Variants in MTAP observed in about 807,000 individuals in gnomAD.
MTAP encodes methylthioadenosine phosphorylase, also known as S-methyl-5'-thioadenosine phosphorylase.
MTAP carries 33 observed loss-of-function variants against 33.6 expected under a neutral mutation model. The observed-to-expected ratio is 0.98, with a 90% confidence interval of 0.74 to 1.31. MTAP has a LOEUF of 1.31. MTAP is among the 40% of genes most tolerant of loss of function. The probability of loss-of-function intolerance (pLI) is 0.00; values close to 1 mark genes in which losing one functional copy is unlikely to be tolerated. For missense variants in MTAP, 367 were observed against 360.0 expected (o/e 1.02, Z -0.16); for synonymous variants, 148 against 125.7 (o/e 1.18, Z -1.19).
chr9:21,913,185 G>A (rs1395928758), intron 1 of MTAP, among the ~76,000 whole-genome samples: 5 of 152,248 alleles, frequency 3.3e-5, no homozygotes, highest in South Asian at 4.1e-4. Context: ...AATCAATATC[G>A]TGAAAATGGC....
chr9:21,842,840 A>G (rs1359520157), intron 5 of MTAP, among the ~76,000 whole-genome samples: 2 of 152,196 alleles, frequency 1.3e-5, no homozygotes, highest in African/African-American at 2.4e-5. Flanking sequence ...CTATAAAACA[A>G]TAATACAATG....
chr9:21,926,045 G>A (rs1047826658), intron 1 of MTAP, among the ~76,000 whole-genome samples: 1 of 152,156 alleles, frequency 6.6e-6, no homozygotes, highest in Admixed American at 6.5e-5. Context: ...TAGACTAGGG[G>A]CTTAGTTAAC....
rs762504714 is a variant in MTAP, at chr9:21,802,724, C to G, written c.-25C>G. ...TCCCTTAGTCCCGAGCGCTCGCCCA[C>G]TGCAGATTCCTTTCCCGTGCAGACA... On this transcript the variant is annotated 5_prime_UTR_variant, in exon 1 of 8. Transcript: ENST00000644715. 1.2e-5 allele frequency: 19 copies of G among 1,612,270 alleles called. No homozygotes were observed. The highest frequency in any genetic ancestry group is 3.3e-5 in the South Asian group (3 of 90,798).
rs543806747 is a variant in MTAP, at chr9:21,884,733, C to A, written c.147+29863C>A. Among the ~76,000 whole-genome samples the A allele has an allele frequency of 2.0e-5, 3 of 152,230 alleles. No individual in the cohort carries two copies. The South Asian group carries it at 6.2e-4, about 32-fold the overall frequency. On this transcript the variant is annotated intron_variant, in intron 1 of 1. Coordinates refer to the MTAP transcript ENST00000577563. ...CTCCACTTCCATGACCTCATCTAAA[C>A]CTTGTGACCTCCCAAAGTTCCCACC...
chr9:21,896,499 TAAAG>T (rs1224763783), intron 1 of MTAP, among the ~76,000 whole-genome samples: 3 of 151,364 alleles, frequency 2.0e-5, no homozygotes, highest in Non-Finnish European at 4.4e-5. Flanking sequence ...GCAAGACTAA[TAAAG>T]AAGAAAAGAG....
In MTAP at chr9:21,864,252, C is replaced by T. The variant is rs150727017; in HGVS notation, c.*2238C>T. ...TTTTCTTTGTTCTCAATCATTCACT[C>T]CTTATGCAAAGCCAATATAATTTTC... On this transcript the variant is annotated 3_prime_UTR_variant, in exon 8 of 8. Coordinates refer to ENST00000644715, the MANE Select transcript of MTAP (RefSeq NM_002451.4). The T allele has an allele frequency of 1.1e-3, 1,091 of 985,398 alleles. 1 individual carries two copies. The highest frequency in any genetic ancestry group is 1.2e-3 in the Non-Finnish European group (1,025 of 829,918). The allele number at this position is 985,398 out of a possible 1,614,324, so 61.0% of individuals were successfully genotyped here.
At chr9:21,892,193 T>G (rs1818211936) in intron 1 of MTAP, 1 of 152,100 alleles carries the variant, frequency 6.6e-6, no homozygotes, top group African/African-American at 2.4e-5. Flanking sequence ...ACTGTTTACA[T>G]TATAAAGCAA....
intron 1 of MTAP, among the ~76,000 whole-genome samples, chr9:21,889,604 C>G (rs923027424): frequency 1.3e-5 from 2 of 152,108 alleles, no homozygotes; most frequent in East Asian, 3.9e-4. Flanking sequence ...GTCCTATCCC[C>G]CCACTTCCCC....
chr9:21,814,468 C>G (rs895319244), intron 1 of MTAP, among the ~76,000 whole-genome samples: 3 of 152,252 alleles, frequency 2.0e-5, no homozygotes, highest in Middle Eastern at 3.4e-3. Context: ...ATAAAGTTAG[C>G]CTGGCACTGT....
At chr9:21,886,046 C>T (rs1055685341) in intron 1 of MTAP, among the ~76,000 whole-genome samples, 1 of 151,766 alleles carries the variant, frequency 6.6e-6, no homozygotes, top group Admixed American at 6.6e-5. Flanking sequence ...ACACTGTTTT[C>T]CACAGTGGTT....
chr9:21,810,153 A>T (rs1824309438), intron 1 of MTAP, among the ~76,000 whole-genome samples: 1 of 152,182 alleles, frequency 6.6e-6, no homozygotes, highest in Non-Finnish European at 1.5e-5. Context: ...ATCTCCTCAC[A>T]GCGCTGGAGG....
rs1818800793 is a variant in MTAP, at chr9:21,922,364, C to T, written c.148-8644C>T. Among the ~76,000 whole-genome samples, 1 of 152,072 alleles carries T rather than the reference C, an allele frequency of 6.6e-6. No homozygotes were observed. The highest frequency in any genetic ancestry group is 2.4e-5 in the African/African-American group (1 of 41,416). ...CATGCCAACATATAAAACCCCAAGT[C>T]AAAGGTCAAACAGGGCACTTGGATT... On this transcript the variant is annotated intron_variant, in intron 1 of 1. Transcript: ENST00000577563. The surrounding 1 kb of genome is among the most constrained non-coding windows in gnomAD (Gnocchi z 4.8).
chr9:21,830,332 A>G (rs1416044403), intron 4 of MTAP, among the ~76,000 whole-genome samples: 1 of 152,184 alleles, frequency 6.6e-6, no homozygotes, highest in African/African-American at 2.4e-5. Flanking sequence ...GAAAATCAGA[A>G]TCTATACCAA....
At chr9:21,884,702 TG>T (rs1338463405) in intron 1 of MTAP, among the ~76,000 whole-genome samples, 3 of 152,158 alleles carry the variant, frequency 2.0e-5, no homozygotes, top group Admixed American at 6.6e-5. Flanking sequence ...AATCCCATCA[TG>T]GGGGCTCCAC....
chr9:21,878,680 T>G (rs1449410173), intron 1 of MTAP, among the ~76,000 whole-genome samples: 1 of 152,068 alleles, frequency 6.6e-6, no homozygotes, highest in East Asian at 1.9e-4. Context: ...GCTAAATTTT[T>G]AATGTGGGTG....
intron 1 of MTAP, among the ~76,000 whole-genome samples, chr9:21,884,821 A>T (rs1037486113): frequency 6.6e-6 from 1 of 152,154 alleles, no homozygotes; most frequent in African/African-American, 2.4e-5. Flanking sequence ...GACAGAAACC[A>T]TGTAGTCTAT....
intron 5 of MTAP, among the ~76,000 whole-genome samples, chr9:21,849,087 A>C (rs1825448660): frequency 9.4e-6 from 1 of 106,638 alleles, no homozygotes. Flanking sequence ...AATTTGAATT[A>C]TAAAAACAGA....
At chr9:21,932,962 A>G (rs895352531), downstream of MTAP, 16 of 151,536 alleles carry the variant, frequency 1.1e-4, no homozygotes, top group African/African-American at 3.9e-4. Context: ...AAAAAGTTAG[A>G]AAAAAAAATG....
intron 6 of MTAP, among the ~76,000 whole-genome samples, chr9:21,858,653 G>A (rs1475369244): frequency 1.3e-5 from 2 of 152,070 alleles, no homozygotes; most frequent in African/African-American, 4.8e-5. Flanking sequence ...TGATCCAACC[G>A]CCTCCCACCA....
Sources: allele counts gnomAD v4.1 joint callset (sites outside exome capture counted in the v4.1 genomes callset), GRCh38; gene constraint gnomAD v4.1.1; non-coding constraint Gnocchi (gnomAD v3.1); transcripts MANE v1.5; gene names NCBI Gene and HGNC (gene_info 2026-07-23, HGNC 2026-07-21).